ZNF214: variants seen among roughly 807,000 people sequenced by gnomAD.
ZNF214 encodes the protein BWSCR2-associated zinc finger protein 1.
Under a neutral mutation model 53.9 loss-of-function variants are expected in ZNF214, and 43 were observed. The observed-to-expected ratio is 0.80, with a 90% CI of 0.63 to 1.03. The LOEUF is 1.03. Among genes scored for constraint, ZNF214 ranks in the 50% least tolerant of loss-of-function variants. The pLI is 0.00. For synonymous variants in ZNF214, 217 were observed against 229.5 expected, an observed-to-expected ratio of 0.95 and a Z score of 0.49; for missense variants, 724 against 719.1, an observed-to-expected ratio of 1.01 and a Z score of -0.08.
rs767020353 is a variant in ZNF214 at position 7,000,916 on chromosome 11, A to G, written c.767T>C (p.Phe256Ser). ...TCTATACAAGTCTGATCTCTGAGAG[A>G]AGCATGCTTTACAGATGGAGCATTG... ...LCQCSICKACFSQRSDLYRHP... is the reference protein window; with the variant it reads ...LCQCSICKACSSQRSDLYRHP... The change falls in exon 3 of 3, where the codon TTC (phenylalanine) becomes TCC (serine). Residue 256 changes from phenylalanine (F) to serine (S), a missense_variant. By Grantham distance (155) the Phe-to-Ser change is radical (BLOSUM62 -2). Transcript: ENST00000278314. 1 of 1,613,228 alleles carries G rather than the reference A, an allele frequency of 6.2e-7. No individual in the cohort carries two copies. The highest frequency in any genetic ancestry group is 1.1e-5 in the South Asian group (1 of 91,064).
intron 1 of ZNF214, among the ~76,000 whole-genome samples, chr11:7,008,066 T>C (rs1245339980): frequency 6.6e-6 from 1 of 151,938 alleles, no homozygotes; most frequent in Non-Finnish European, 1.5e-5. Flanking sequence ...TTCTTCAAAA[T>C]CTAAATGTAA....
chr11:7,016,215 C>A (rs1374660595), intron 1 of ZNF214, among the ~76,000 whole-genome samples: 1 of 152,070 alleles, frequency 6.6e-6, no homozygotes, highest in Non-Finnish European at 1.5e-5. Flanking sequence ...TTCTTAACAG[C>A]CCTACACAGC....
At chr11:7,018,338 A>AT (rs1221841916) in intron 1 of ZNF214, among the ~76,000 whole-genome samples, 1 of 152,092 alleles carries the variant, frequency 6.6e-6, no homozygotes, top group East Asian at 1.9e-4. Context: ...AGAGTAAATG[A>AT]TGGCTTTCCT....
rs55641448 is a variant in ZNF214 at position 7,018,495 on chromosome 11, C to CTTTTT, written c.-21+1573_-21+1577dup. Reference sequence around the variant, plus strand: ...TAGTTTATTACCCCCAATGTTAAGACTTTTTTTTTTTTTTTTTTTTTTTTG... The same window carrying CTTTTT: ...TAGTTTATTACCCCCAATGTTAAGACTTTTTTTTTTTTTTTTTTTTTTTTTTTTTG... On this transcript the variant is annotated intron_variant, in intron 1 of 2. Transcript: ENST00000278314. Among the ~76,000 whole-genome samples the CTTTTT allele has an allele frequency of 4.9e-3, 302 of 61,894 alleles. 25 individuals are homozygous for CTTTTT. Among genetic ancestry groups the CTTTTT allele is most frequent in the African/African-American group, 0.01 (168 of 16,176 alleles). 40.6% of individuals were successfully genotyped at this position (61,894 alleles called of 152,430 possible).
intron 1 of ZNF214, among the ~76,000 whole-genome samples, chr11:7,004,157 A>G (rs1340640370): frequency 6.6e-6 from 1 of 151,966 alleles, no homozygotes; most frequent in Non-Finnish European, 1.5e-5. Context: ...TTAGGAGTCT[A>G]ATTTCTTTTA....
intron 1 of ZNF214, among the ~76,000 whole-genome samples, chr11:7,016,639 A>G (rs970701503): frequency 2.0e-5 from 3 of 152,206 alleles, no homozygotes; most frequent in African/African-American, 7.2e-5. Context: ...CAGCCTCAAA[A>G]GTAATCTTTG....
Position 7,009,765 on chromosome 11 carries a change from C to A in ZNF214, c.-20-6910G>T, listed in dbSNP as rs1349407063. On this transcript the variant is annotated intron_variant, in intron 1 of 2. Transcript: ENST00000278314. ...ACCCCATTAAAAAGTAGGCAAAGGA[C>A]ATAAACACTTTTCAAAAGAAGACAT... Among the ~76,000 whole-genome samples, 10 of 151,868 alleles carry A rather than the reference C, an allele frequency of 6.6e-5. No homozygotes were observed. The South Asian group carries it at 1.7e-3, about 25-fold the overall frequency.
rs548315184 is a variant in ZNF214, at chr11:7,014,831, C to G, written c.-21+5242G>C. ...AAAAAAAAAAAAAACAAAAAAAAAA[C>G]ACTACCCAGGAGGTGGAGGTTGCAG... On this transcript the variant is annotated intron_variant, in intron 1 of 2. Transcript: ENST00000278314. Among the ~76,000 whole-genome samples the G allele has an allele frequency of 2.9e-3, 355 of 120,596 alleles. 3 individuals are homozygous for G. The highest frequency in any genetic ancestry group is 4.4e-3 in the Middle Eastern group (1 of 228). 79.1% of individuals were successfully genotyped at this position (120,596 alleles called of 152,430 possible). A position where few individuals can be genotyped will look rare whatever the true frequency, so the allele number is the denominator to read the frequency against.
chr11:7,007,027 G>A (rs1045648914), intron 1 of ZNF214, among the ~76,000 whole-genome samples: 4 of 151,768 alleles, frequency 2.6e-5, no homozygotes, highest in African/African-American at 9.7e-5. Flanking sequence ...GAAAAAAGGA[G>A]ACATAGAAAG....
rs746928080 is a variant in ZNF214, at chr11:7,000,608, T to C, written c.1075A>G (p.Lys359Glu). 3.7e-6 allele frequency: 6 copies of C among 1,608,306 alleles called. No homozygotes were observed. Among genetic ancestry groups the C allele is most frequent in the Non-Finnish European group, 5.1e-6 (6 of 1,177,868 alleles). ...QRLHIGEKPF[K>E]CNQCGKSFNR... ...AAACTCTTACCACACTGATTACATT[T>C]AAAAGGCTTCTCTCCTATGTGAAGT... is the stretch of plus-strand genomic sequence containing the variant. The change falls in exon 3 of 3, where the codon AAA becomes GAA. Residue 359 changes from lysine to glutamate, a missense_variant. By Grantham distance (56) the Lys-to-Glu change is moderately conservative. Transcript: ENST00000278314.
intron 2 of ZNF214, among the ~76,000 whole-genome samples, chr11:7,002,233 C>T (rs1331930938): frequency 6.6e-6 from 1 of 151,966 alleles, no homozygotes; most frequent in Non-Finnish European, 1.5e-5. Context: ...TGATACTGAG[C>T]CGACTGCCCC....
chr11:7,002,369 G>A (rs1188714921), intron 2 of ZNF214, among the ~76,000 whole-genome samples: 3 of 151,952 alleles, frequency 2.0e-5, no homozygotes, highest in Non-Finnish European at 4.4e-5. Flanking sequence ...AAGCCACTAA[G>A]TCTGGCATAG....
In ZNF214 at chr11:7,002,848, C is replaced by A. The variant is rs200270796; in HGVS notation, c.-13G>T. On this transcript the variant is annotated 5_prime_UTR_variant, in exon 2 of 3. Transcript: ENST00000278314. ...ATGTTACTGCCATCTGGTCAAAGATCAGGCTTTCTAGGAAAAAGAAATCTA... is the reference window on the plus strand; with the variant it reads ...ATGTTACTGCCATCTGGTCAAAGATAAGGCTTTCTAGGAAAAAGAAATCTA... 42 of 1,582,046 alleles carry A rather than the reference C, an allele frequency of 2.7e-5. No individual in the cohort carries two copies. Among genetic ancestry groups the A allele is most frequent in the Non-Finnish European group, 6.8e-6 (8 of 1,168,440 alleles).
intron 2 of ZNF214, among the ~76,000 whole-genome samples, chr11:7,002,333 CA>C (rs1851374171): frequency 6.6e-6 from 1 of 151,838 alleles, no homozygotes; most frequent in Non-Finnish European, 1.5e-5. Context: ...CAATGAGAAT[CA>C]TAAAAAATAA....
chr11:7,000,995 A>C lies in ZNF214; in HGVS notation c.688T>G (p.Trp230Gly). The C allele has an allele frequency of 6.2e-7, 1 of 1,613,136 alleles. No homozygotes were observed. Among genetic ancestry groups the C allele is most frequent in the Non-Finnish European group, 8.5e-7 (1 of 1,179,566 alleles). ...GCNKCKGIYY[W>G]NSRCVFHKRN... is the part of the protein sequence containing the mutation. ...TTGTGGAAAACACACCGTGAGTTCC[A>C]ATAATAAATTCCTTTACATTTATTA... The change falls in exon 3 of 3, where the codon TGG becomes GGG. Residue 230 changes from tryptophan to glycine, a missense_variant. Physicochemically the swap from Trp to Gly is radical, Grantham distance 184 (BLOSUM62 -2). Transcript: ENST00000278314.
intron 1 of ZNF214, among the ~76,000 whole-genome samples, chr11:7,015,363 A>G (rs374907755): frequency 1.3e-5 from 2 of 152,152 alleles, no homozygotes; most frequent in South Asian, 2.1e-4. Context: ...GGATCACTTC[A>G]GGTCAGGAGT....
At chr11:7,004,953 A>T (rs1851440368) in intron 1 of ZNF214, among the ~76,000 whole-genome samples, 1 of 152,074 alleles carries the variant, frequency 6.6e-6, no homozygotes, top group Non-Finnish European at 1.5e-5. Context: ...GCAATAATAG[A>T]TAACTAATAT....
chr11:7,001,736 A>G (rs1454523308), intron 2 of ZNF214, among the ~76,000 whole-genome samples, 181 bp from the exon 3 acceptor site: 1 of 151,960 alleles, frequency 6.6e-6, no homozygotes, highest in Non-Finnish European at 1.5e-5. Context: ...TCATTCATGT[A>G]TGTATTCATT....
At position 7,001,045 on chromosome 11, in the gene ZNF214, G is replaced by C; in HGVS notation, c.638C>G (p.Ser213Ter). ...ACATCCACAGTACTTTTCTTCCATTGAATCTCTCAGTAGGTCTTCTTGACA... is the reference window on the plus strand; with the variant it reads ...ACATCCACAGTACTTTTCTTCCATTCAATCTCTCAGTAGGTCTTCTTGACA... Reference protein sequence around the residue: ...VICQEDLLRDSMEEKYCGCNK... With the variant: ...VICQEDLLRD The change falls in exon 3 of 3, where the codon TCA becomes TGA. Residue 213 changes from serine (S) to a stop codon, truncating the protein, a stop_gained. Coordinates refer to ENST00000278314, the MANE Select transcript of ZNF214 (RefSeq NM_013249.4). LOFTEE classifies it high-confidence loss of function. 1.2e-6 allele frequency: 2 copies of C among 1,613,184 alleles called. No homozygotes were observed. The highest frequency in any genetic ancestry group is 1.7e-6 in the Non-Finnish European group (2 of 1,179,548).
Sources: gnomAD v4.1 joint callset for allele counts (sites outside exome capture counted in the v4.1 genomes callset) on GRCh38, gnomAD v4.1.1 for gene constraint, MANE v1.5 for transcripts, NCBI Gene and HGNC (gene_info 2026-07-23, HGNC 2026-07-21) for gene names.